Variants in TRPS1 observed in about 807,000 individuals in gnomAD.
TRPS1 encodes the protein zinc finger transcription factor Trps1.
In TRPS1, 6 loss-of-function variants were observed where a neutral mutation model predicts 101.2. The ratio of observed to expected loss-of-function variants is 0.06; its 90% CI spans 0.03 to 0.12. TRPS1 has a LOEUF of 0.12. TRPS1 is among the 10% of genes least tolerant of loss of function. The pLI, the probability that TRPS1 is intolerant of heterozygous loss-of-function variation, is 1.00. For missense variants in TRPS1, 1,363 were observed against 1,567.0 expected (o/e 0.87, Z 2.20); for synonymous variants, 578 against 589.8 (o/e 0.98, Z 0.29).
At chr8:115,620,833 G>A (rs1485461169) in intron 2 of TRPS1, among the ~76,000 whole-genome samples, 2 of 152,156 alleles carry the variant, frequency 1.3e-5, no homozygotes, top group Admixed American at 1.3e-4. Flanking sequence ...CCAGCATGCT[G>A]GGGAACCTAA....
At chr8:115,457,138 T>C (rs1344351089) in intron 5 of TRPS1, among the ~76,000 whole-genome samples, 2 of 152,116 alleles carry the variant, frequency 1.3e-5, no homozygotes, top group Non-Finnish European at 2.9e-5. Context: ...CGAAAGAAAG[T>C]GTGGTGTGCA....
At chr8:115,511,458 T>C (rs1815581698) in intron 5 of TRPS1, 1 of 151,960 alleles carries the variant, frequency 6.6e-6, no homozygotes, top group South Asian at 2.1e-4. Context: ...AGCACTGCCC[T>C]TTCTTGGTGC....
intron 5 of TRPS1, among the ~76,000 whole-genome samples, chr8:115,432,034 T>G (rs868034113): frequency 2.3e-4 from 35 of 151,852 alleles, no homozygotes; most frequent in African/African-American, 6.7e-4. Context: ...AGCTTCAAGG[T>G]CCTCTAGTTT....
intron 1 of TRPS1, among the ~76,000 whole-genome samples, chr8:115,640,560 C>T (rs953116191): frequency 6.6e-6 from 1 of 152,168 alleles, no homozygotes; most frequent in African/African-American, 2.4e-5. Context: ...ATAAGCAAAT[C>T]ATAGTACTAA....
At chr8:115,558,088 A>AG (rs893590619) in intron 5 of TRPS1, among the ~76,000 whole-genome samples, 2 of 151,162 alleles carry the variant, frequency 1.3e-5, no homozygotes, top group Non-Finnish European at 2.9e-5. Context: ...CAAAACAGAC[A>AG]GGAAAAAAAA....
intron 5 of TRPS1, among the ~76,000 whole-genome samples, chr8:115,543,689 G>T (rs800912): frequency 1 from 152,223 of 152,252 alleles, 76,097 homozygotes; most frequent in Non-Finnish European, 1. Flanking sequence ...TTATGTACCA[G>T]GAGAAGGTGA....
intron 6 of TRPS1, among the ~76,000 whole-genome samples, chr8:115,417,406 C>T (rs1812947722): frequency 6.6e-6 from 1 of 151,970 alleles, no homozygotes; most frequent in African/African-American, 2.4e-5. Context: ...AAGTGTATTC[C>T]CTGTAGCCAT....
rs1814113111 is a variant in TRPS1, at chr8:115,459,506, T to TCACA, written c.2701-41058_2701-41055dup. Among the ~76,000 whole-genome samples, 6 of 152,212 alleles carry TCACA rather than the reference T, an allele frequency of 3.9e-5. No homozygotes were observed. The South Asian group carries it at 1.2e-3, about 32-fold the overall frequency. On this transcript the variant is annotated intron_variant, in intron 5 of 6. Transcript: ENST00000395715. ...TGAAACAGGAAGGATATCACCAGAA[T>TCACA]CACATGAGGCTGAGAAAATTGAGTA...
At chr8:115,628,539 T>A (rs1041194572) in intron 1 of TRPS1, among the ~76,000 whole-genome samples, 2 of 151,692 alleles carry the variant, frequency 1.3e-5, no homozygotes, top group Non-Finnish European at 3.0e-5. Flanking sequence ...GAAAGCAACT[T>A]CTCATAATAA....
At chr8:115,447,784 A>C (rs1217998899) in intron 5 of TRPS1, among the ~76,000 whole-genome samples, 5 of 152,142 alleles carry the variant, frequency 3.3e-5, no homozygotes, top group Admixed American at 3.3e-4. Flanking sequence ...ACTTAAAAAA[A>C]CCCAAAACTT....
Position 115,506,123 on chromosome 8 carries a change from G to A in TRPS1, c.2700+80878C>T, listed in dbSNP as rs189508670. Among the ~76,000 whole-genome samples the A allele has an allele frequency of 1.1e-3, 169 of 151,836 alleles. 1 individual carries two copies. Among genetic ancestry groups the A allele is most frequent in the African/African-American group, 3.7e-3 (154 of 41,446 alleles). On this transcript the variant is annotated intron_variant, in intron 5 of 6. Coordinates refer to ENST00000395715, the MANE Select transcript of TRPS1 (RefSeq NM_014112.5). Reference sequence around the variant, plus strand: ...AATGAACTACAAAGATTTATATGACGCTACTCACAGGTTTCTAAAAGTTAT... The same window carrying A: ...AATGAACTACAAAGATTTATATGACACTACTCACAGGTTTCTAAAAGTTAT...
intron 4 of TRPS1, among the ~76,000 whole-genome samples, chr8:115,593,222 A>T (rs950135410): frequency 1.3e-5 from 2 of 152,146 alleles, no homozygotes; most frequent in East Asian, 3.8e-4. Flanking sequence ...CAAGCACAAA[A>T]TTGTCAGGAA....
intron 3 of TRPS1, among the ~76,000 whole-genome samples, chr8:115,607,516 T>C (rs1818068268): frequency 1.3e-5 from 2 of 151,726 alleles, no homozygotes; most frequent in Non-Finnish European, 2.9e-5. Context: ...TGCTGAAGAA[T>C]GAATACCTTC....
At chr8:115,526,798 C>T (rs1346554983) in intron 5 of TRPS1, among the ~76,000 whole-genome samples, 2 of 152,108 alleles carry the variant, frequency 1.3e-5, no homozygotes, top group Admixed American at 6.6e-5. Flanking sequence ...GATAGTCACA[C>T]AAGGATTAAT....
intron 5 of TRPS1, among the ~76,000 whole-genome samples, chr8:115,459,893 C>G (rs2129966061): frequency 6.6e-6 from 1 of 152,090 alleles, no homozygotes. Context: ...GAAAATTGTC[C>G]AAAAGGTTGG....
At chr8:115,416,124 T>C (rs1033447784) in intron 6 of TRPS1, among the ~76,000 whole-genome samples, 5 of 152,134 alleles carry the variant, frequency 3.3e-5, no homozygotes, top group South Asian at 2.1e-4. Flanking sequence ...TTGGTTTAAA[T>C]ATCTGATCTG....
At chr8:115,565,151 T>C (rs1295197461) in intron 5 of TRPS1, among the ~76,000 whole-genome samples, 2 of 152,156 alleles carry the variant, frequency 1.3e-5, no homozygotes, top group African/African-American at 4.8e-5. Context: ...CAAAGACTCC[T>C]GCTGACAAGC....
chr8:115,591,506 A>AC, intron 4 of TRPS1, among the ~76,000 whole-genome samples: 1 of 152,188 alleles, frequency 6.6e-6, no homozygotes, highest in African/African-American at 2.4e-5. Context: ...ACCCTGAGAC[A>AC]AGGTGTCTGA....
At chr8:115,475,709 C>T (rs1814588110) in intron 5 of TRPS1, among the ~76,000 whole-genome samples, 1 of 144,454 alleles carries the variant, frequency 6.9e-6, no homozygotes, top group Non-Finnish European at 1.5e-5. Flanking sequence ...AATTTAATAC[C>T]AGGAATGTAT....
Sources: allele counts gnomAD v4.1 joint callset (sites outside exome capture counted in the v4.1 genomes callset), GRCh38; gene constraint gnomAD v4.1.1; transcripts MANE v1.5; gene names NCBI Gene and HGNC (gene_info 2026-07-23, HGNC 2026-07-21).